The following CCDC27 variants were observed in gnomAD, a reference collection of about 807,000 sequenced individuals.
CCDC27 encodes the protein coiled-coil domain-containing protein 27.
Under a neutral mutation model 80.3 loss-of-function variants are expected in CCDC27, and 80 were observed. That is an observed-to-expected ratio of 1.00 (90% confidence interval 0.83 to 1.20). The LOEUF (loss-of-function observed/expected upper bound fraction) is 1.20, where lower values mean the gene tolerates loss of function less well. Ranked by LOEUF, CCDC27 falls within the 50% of genes most tolerant of loss-of-function variation. CCDC27 has a pLI of 0.00. For synonymous variants in CCDC27, 342 were observed against 334.3 expected (o/e 1.02, Z -0.25); for missense variants, 815 against 809.4 (o/e 1.01, Z -0.08).
In CCDC27 at chr1:3,761,947, A is replaced by G. The variant is rs7516968; in HGVS notation, c.861+517A>G. Among the ~76,000 whole-genome samples, 31,685 of 135,692 alleles carry G rather than the reference A, an allele frequency of 0.23. 3,631 individuals carry two copies. Among genetic ancestry groups the G allele is most frequent in the Admixed American group, 0.29 (3,911 of 13,306 alleles). The allele number at this position is 135,692 out of a possible 152,430, so 89.0% of individuals were successfully genotyped here. ...CCTTCTCCCCACTCTCTGGCTGTGA[A>G]GCCCCCTGCGAGGTTGGGCATGGGG... On this transcript the variant is annotated intron_variant, in intron 5 of 11. Transcript: ENST00000294600. The surrounding 1 kb of genome is among the most constrained non-coding windows in gnomAD (Gnocchi z 5.0).
chr1:3,761,493 A>T lies in CCDC27; in HGVS notation c.861+63A>T. The T allele has an allele frequency of 6.4e-7, 1 of 1,567,374 alleles. No homozygotes were observed. The highest frequency in any genetic ancestry group is 1.2e-5 in the South Asian group (1 of 84,874). On this transcript the variant is annotated intron_variant, in intron 5 of 11. Transcript: ENST00000294600. The surrounding 1 kb of genome is among the most constrained non-coding windows in gnomAD (Gnocchi z 5.0). ...AGACGGTTGTTTTCAAAGCGTCCAA[A>T]GCTGCTAGTGACACACAGGCCCCTG...
At chr1:3,770,977 G>C (rs905114847) in intron 11 of CCDC27, among the ~76,000 whole-genome samples, 12 of 152,178 alleles carry the variant, frequency 7.9e-5, no homozygotes, top group African/African-American at 2.7e-4. Flanking sequence ...CATTCCCTCT[G>C]TACAGGACAG....
Position 3,768,309 on chromosome 1 carries a change from C to G in CCDC27, c.1743+864C>G, listed in dbSNP as rs1307938171. 6.6e-6 allele frequency among the ~76,000 whole-genome samples: 1 copy of G among 152,068 alleles called. No homozygotes were observed. The highest frequency in any genetic ancestry group is 1.5e-5 in the Non-Finnish European group (1 of 67,994). ...AGACGGTCTCACTATGCTGTCCAGG[C>G]TGGTCTTGAACTCCTGGGCTCCAGC... On this transcript the variant is annotated intron_variant, in intron 10 of 11. Transcript: ENST00000294600. The surrounding 1 kb of genome is among the most constrained non-coding windows in gnomAD (Gnocchi z 5.6).
At chr1:3,762,115 A>G (rs2124593929) in intron 5 of CCDC27, among the ~76,000 whole-genome samples, 1 of 152,280 alleles carries the variant, frequency 6.6e-6, no homozygotes, top group East Asian at 1.9e-4. Context: ...TTCACACCTG[A>G]GGAGACAGCC....
At position 3,763,520 on chromosome 1, in the gene CCDC27, C is replaced by T; in HGVS notation, c.1321+46C>T. On this transcript the variant is annotated intron_variant, in intron 7 of 11. Coordinates refer to ENST00000294600, the MANE Select transcript of CCDC27 (RefSeq NM_152492.3). The surrounding 1 kb of genome is among the most constrained non-coding windows in gnomAD (Gnocchi z 7.5). The stretch of plus-strand genomic sequence containing the variant: ...ACTGGGCTTTGGCCACTCAGTGGTT[C>T]CCGGCCCAGGAGCTGGGACGCCCAG... 1 of 1,553,506 alleles carries T rather than the reference C, an allele frequency of 6.4e-7. No homozygotes were observed. Among genetic ancestry groups the T allele is most frequent in the Non-Finnish European group, 8.7e-7 (1 of 1,149,404 alleles).
chr1:3,768,143 G>A lies in CCDC27; in HGVS notation c.1743+698G>A, dbSNP rs1455712611. 6.9e-6 allele frequency among the ~76,000 whole-genome samples: 1 copy of A among 145,216 alleles called. No individual in the cohort carries two copies. Among genetic ancestry groups the A allele is most frequent in the African/African-American group, 2.6e-5 (1 of 38,762 alleles). The stretch of plus-strand genomic sequence containing the variant: ...AGGGTCTTTCTCTGTCATCCAGTCT[G>A]GAGTGCAGTGGGGTGATAACAGCTC... On this transcript the variant is annotated intron_variant, in intron 10 of 11. Transcript: ENST00000294600. The surrounding 1 kb of genome is among the most constrained non-coding windows in gnomAD (Gnocchi z 5.6).
In CCDC27 at chr1:3,758,094, G is replaced by A. The variant is rs372782704; in HGVS notation, c.711+1204G>A. 6.8e-4 allele frequency among the ~76,000 whole-genome samples: 104 copies of A among 152,192 alleles called. 2 individuals carry two copies. Among genetic ancestry groups the A allele is most frequent in the African/African-American group, 2.4e-3 (100 of 41,536 alleles). ...CTATTCTCTGGAAGAGTTTGTATAA[G>A]ACTGATGTGATTTCTTCCTTGAATT... On this transcript the variant is annotated intron_variant, in intron 4 of 11. Coordinates refer to ENST00000294600, the MANE Select transcript of CCDC27 (RefSeq NM_152492.3).
At position 3,771,568 on chromosome 1, in the gene CCDC27, G is replaced by A. The variant is rs1416343847; in HGVS notation, c.*45G>A. The A allele has an allele frequency of 1.2e-6, 2 of 1,605,358 alleles. No homozygotes were observed. Among genetic ancestry groups the A allele is most frequent in the East Asian group, 2.2e-5 (1 of 44,812 alleles). On this transcript the variant is annotated 3_prime_UTR_variant, in exon 12 of 12. Coordinates refer to ENST00000294600, the MANE Select transcript of CCDC27 (RefSeq NM_152492.3). ...TACGGTCAGCCCAGCAGAGGCCGGG[G>A]CCCAGCTCCAGAACCACCCGCCCCC...
chr1:3,767,464 C>A lies in CCDC27; in HGVS notation c.1743+19C>A. ...GTCCAGGGTATGCCCAGCCCTTCCT[C>A]CTGAGGGTCTGTCCCAGCAGCTGGC... On this transcript the variant is annotated intron_variant, in intron 10 of 11. Coordinates refer to ENST00000294600, the MANE Select transcript of CCDC27 (RefSeq NM_152492.3). 1 of 1,594,436 alleles carries A rather than the reference C, an allele frequency of 6.3e-7. No homozygotes were observed.
At position 3,766,575 on chromosome 1, in the gene CCDC27, TGG is replaced by T; in HGVS notation, c.1496_1497del (p.Gly499AlafsTer3). 6.2e-7 allele frequency: 1 copy of T among 1,613,548 alleles called. No individual in the cohort carries two copies. The highest frequency in any genetic ancestry group is 8.5e-7 in the Non-Finnish European group (1 of 1,179,910). On this transcript the variant is annotated frameshift_variant, in exon 9 of 12. Coordinates refer to ENST00000294600, the MANE Select transcript of CCDC27 (RefSeq NM_152492.3). LOFTEE classifies it high-confidence loss of function. The surrounding 1 kb of genome is among the most constrained non-coding windows in gnomAD (Gnocchi z 6.1). The stretch of plus-strand genomic sequence containing the variant: ...GAAGATAAGAAACACCAAGAGATGA[TGG>T]GGCTCATTGAAAAGGACAACCAGCT...
In CCDC27 at chr1:3,771,645, C is replaced by T; in HGVS notation, c.*122C>T. The stretch of plus-strand genomic sequence containing the variant: ...AATTAAACCCCGGTGTTGGCACTGT[C>T]CCACCTTTTTCTTCTCTGGGATCCA... On this transcript the variant is annotated 3_prime_UTR_variant, in exon 12 of 12. Transcript: ENST00000294600. 2 of 1,127,030 alleles carry T rather than the reference C, an allele frequency of 1.8e-6. No individual in the cohort carries two copies. Among genetic ancestry groups the T allele is most frequent in the Non-Finnish European group, 2.5e-6 (2 of 797,292 alleles). The allele number at this position is 1,127,030 out of a possible 1,614,324, so 69.8% of individuals were successfully genotyped here.
At chr1:3,767,784 C>T (rs1643269068) in intron 10 of CCDC27, among the ~76,000 whole-genome samples, 1 of 152,212 alleles carries the variant, frequency 6.6e-6, no homozygotes, top group Non-Finnish European at 1.5e-5. Flanking sequence ...TGGTGTTGCC[C>T]CCCTCATCTC....
Position 3,769,971 on chromosome 1 carries a change from T to G in CCDC27, c.1848+84T>G. On this transcript the variant is annotated intron_variant, in intron 11 of 11. Coordinates refer to ENST00000294600, the MANE Select transcript of CCDC27 (RefSeq NM_152492.3). This position sits in a 1 kb window ranked among gnomAD's most constrained non-coding sequence, Gnocchi z 4.6. Reference sequence around the variant, plus strand: ...GGTAGGGGGTTGTGGGGGGCCTAGATTCCAGGGACTCTGTTCTCATCCTAC... The same window carrying G: ...GGTAGGGGGTTGTGGGGGGCCTAGAGTCCAGGGACTCTGTTCTCATCCTAC... The G allele has an allele frequency of 1.1e-6, 1 of 941,618 alleles. No individual in the cohort carries two copies. Among genetic ancestry groups the G allele is most frequent in the Non-Finnish European group, 1.7e-6 (1 of 572,292 alleles). The allele number at this position is 941,618 out of a possible 1,614,324, so 58.3% of individuals were successfully genotyped here. A position where few individuals can be genotyped will look rare whatever the true frequency, so the allele number is the denominator to read the frequency against.
intron 10 of CCDC27, 124 bp downstream of exon 10, chr1:3,767,569 G>A (rs1643257896): frequency 2.6e-6 from 2 of 756,124 alleles, no homozygotes; most frequent in Non-Finnish European, 4.3e-6. Context: ...GGCTGGTTCT[G>A]CCGTGTACAC....
intron 4 of CCDC27, among the ~76,000 whole-genome samples, chr1:3,757,452 A>AT (rs1191826977): frequency 6.6e-6 from 1 of 151,288 alleles, no homozygotes; most frequent in Non-Finnish European, 1.5e-5. Context: ...TAGTAGTAGT[A>AT]TTTTTTGAGA....
intron 4 of CCDC27, among the ~76,000 whole-genome samples, chr1:3,759,432 C>T (rs1374058740): frequency 1.3e-5 from 2 of 152,212 alleles, no homozygotes; most frequent in Admixed American, 6.5e-5. Context: ...TCATTCCCGA[C>T]GTGGCTGCCT....
rs757029536 is a variant in CCDC27 at position 3,754,135 on chromosome 1, C to T, written c.336C>T (p.Ala112=). The change falls in exon 2 of 12, where the codon GCC becomes GCT. Residue 112 remains alanine, a synonymous_variant. Coordinates refer to ENST00000294600, the MANE Select transcript of CCDC27 (RefSeq NM_152492.3). The stretch of plus-strand genomic sequence containing the variant: ...TCTGCCAGAGTGAACCCAAGGATGC[C>T]GCCAGCCTCACCGGCTTCATGTCCA... ...YYRKTSEPKD[A]ASLTGFMSKM... 150 of 1,613,472 alleles carry T rather than the reference C, an allele frequency of 9.3e-5. No homozygotes were observed. Among genetic ancestry groups the T allele is most frequent in the South Asian group, 3.3e-4 (30 of 91,022 alleles).
At chr1:3,762,805 C>T in intron 6 of CCDC27, 93 bp downstream of exon 6, 1 of 1,222,524 alleles carries the variant, frequency 8.2e-7, no homozygotes, top group Non-Finnish European at 1.1e-6. Context: ...CCCCAAGTGT[C>T]CCTGCTGCAG....
chr1:3,765,460 CTT>C (rs1352085042), intron 8 of CCDC27, among the ~76,000 whole-genome samples: 1 of 152,164 alleles, frequency 6.6e-6, no homozygotes, highest in Admixed American at 6.5e-5. Flanking sequence ...CTGTCCCGCT[CTT>C]GTTTTATCTG....
Sources: gnomAD v4.1 joint callset for allele counts (sites outside exome capture counted in the v4.1 genomes callset) on GRCh38, gnomAD v4.1.1 for gene constraint, Gnocchi (gnomAD v3.1) non-coding constraint, MANE v1.5 for transcripts, NCBI Gene and HGNC (gene_info 2026-07-23, HGNC 2026-07-21) for gene names.